The following MCTP1 variants were observed in gnomAD, a reference collection of about 807,000 sequenced individuals.
The protein encoded by MCTP1 is multiple C2 and transmembrane domain-containing protein 1.
Under a neutral mutation model 120.6 loss-of-function variants are expected in MCTP1, and 69 were observed. That is an observed-to-expected ratio of 0.57 (90% CI 0.47 to 0.70). The LOEUF (loss-of-function observed/expected upper bound fraction) is 0.70, where lower values mean the gene tolerates loss of function less well. MCTP1 is among the 30% of genes least tolerant of loss of function. MCTP1 has a pLI of 0.00. For missense variants in MCTP1, 1,203 were observed against 1,248.8 expected (o/e 0.96, Z 0.55); for synonymous variants, 529 against 493.1 (o/e 1.07, Z -0.96).
chr5:94,736,463 A>G (rs1764273026), intron 19 of MCTP1, among the ~76,000 whole-genome samples: 1 of 152,186 alleles, frequency 6.6e-6, no homozygotes. Flanking sequence ...AGCCTGGGTG[A>G]CAGAGCAAGA....
chr5:95,264,638 G>C (rs1758736080), intron 1 of MCTP1, among the ~76,000 whole-genome samples: 1 of 152,160 alleles, frequency 6.6e-6, no homozygotes, highest in Admixed American at 6.5e-5. Flanking sequence ...TGTTTGGATT[G>C]AATGCCCCTC....
chr5:94,755,960 T>C (rs192116051), intron 19 of MCTP1, among the ~76,000 whole-genome samples: 1 of 152,334 alleles, frequency 6.6e-6, no homozygotes, highest in East Asian at 1.9e-4. Context: ...GTAATTTTTT[T>C]CCCTCTAAAA....
chr5:95,161,989 A>AG (rs1745793495), intron 1 of MCTP1, among the ~76,000 whole-genome samples: 1 of 152,204 alleles, frequency 6.6e-6, no homozygotes, highest in Admixed American at 6.6e-5. Context: ...CTGTCAAAGT[A>AG]TCCAGTGGGC....
intron 19 of MCTP1, among the ~76,000 whole-genome samples, chr5:94,727,301 T>C (rs574263863): frequency 6.6e-6 from 1 of 152,192 alleles, no homozygotes; most frequent in African/African-American, 2.4e-5. Flanking sequence ...GTGAAAATAA[T>C]CTGGGATAGG....
chr5:94,944,042 T>A lies in MCTP1; in HGVS notation c.982-1615A>T, dbSNP rs535047127. On this transcript the variant is annotated intron_variant, in intron 3 of 22. Transcript: ENST00000515393. Reference sequence around the variant, plus strand: ...GCATTCCTGAATCAGTTGCTCTTTTTTTTTCTTTTTATTTTTTTCTCTATT... The same window carrying A: ...GCATTCCTGAATCAGTTGCTCTTTTATTTTCTTTTTATTTTTTTCTCTATT... 2.9e-3 allele frequency among the ~76,000 whole-genome samples: 444 copies of A among 152,206 alleles called. 2 individuals are homozygous for A. Among genetic ancestry groups the A allele is most frequent in the African/African-American group, 0.01 (429 of 41,544 alleles).
chr5:94,777,927 C>CGTGT (rs71615135), intron 19 of MCTP1, among the ~76,000 whole-genome samples: 40,311 of 148,778 alleles, frequency 0.27, 6,028 homozygotes, highest in Non-Finnish European at 0.35. Flanking sequence ...AGAAAGTGTG[C>CGTGT]GTGTGTGTGT....
chr5:95,223,607 T>C (rs1753930159), intron 1 of MCTP1, among the ~76,000 whole-genome samples: 1 of 152,228 alleles, frequency 6.6e-6, no homozygotes, highest in African/African-American at 2.4e-5. Context: ...GTGTTAATCA[T>C]TATTATTTAA....
intron 18 of MCTP1, among the ~76,000 whole-genome samples, chr5:94,797,105 T>C (rs1780267152): frequency 6.6e-6 from 1 of 152,182 alleles, no homozygotes. Context: ...AATTTTTCAA[T>C]AGGCTATAAA....
chr5:95,227,401 C>T (rs1226368193), intron 1 of MCTP1, among the ~76,000 whole-genome samples: 3 of 152,034 alleles, frequency 2.0e-5, no homozygotes, highest in Non-Finnish European at 4.4e-5. Flanking sequence ...TTTTTCTAGC[C>T]CTAATAGAAT....
At chr5:95,271,814 A>G (rs1759428116) in intron 1 of MCTP1, among the ~76,000 whole-genome samples, 1 of 151,342 alleles carries the variant, frequency 6.6e-6, no homozygotes, top group Non-Finnish European at 1.5e-5. Flanking sequence ...AGATAGATAG[A>G]TATAAAATAT....
At chr5:94,980,307 T>C (rs896833595) in intron 2 of MCTP1, among the ~76,000 whole-genome samples, 18 of 152,128 alleles carry the variant, frequency 1.2e-4, no homozygotes, top group African/African-American at 3.9e-4. Context: ...AAGTGATGAA[T>C]GAATAATCTT....
chr5:95,150,502 GTT>G (rs1432269625), intron 1 of MCTP1, among the ~76,000 whole-genome samples: 1 of 152,072 alleles, frequency 6.6e-6, no homozygotes, highest in Non-Finnish European at 1.5e-5. Flanking sequence ...TAGCTGGGAG[GTT>G]TTCTCATTAG....
intron 1 of MCTP1, among the ~76,000 whole-genome samples, chr5:95,102,938 T>C (rs1311232608): frequency 6.6e-6 from 1 of 152,210 alleles, no homozygotes; most frequent in African/African-American, 2.4e-5. Context: ...TCACCAGCTA[T>C]GCAAAGCTCA....
chr5:95,173,317 A>G (rs1747571579), intron 1 of MCTP1, among the ~76,000 whole-genome samples: 1 of 152,202 alleles, frequency 6.6e-6, no homozygotes, highest in African/African-American at 2.4e-5. Flanking sequence ...ACTAAATTAT[A>G]TTGGGAATGC....
chr5:95,010,290 A>G (rs903820737), intron 2 of MCTP1, among the ~76,000 whole-genome samples: 1 of 151,888 alleles, frequency 6.6e-6, no homozygotes, highest in African/African-American at 2.4e-5. Context: ...TGAACCATCT[A>G]CTATATATTA....
chr5:94,719,246 T>G (rs535704100), intron 19 of MCTP1, among the ~76,000 whole-genome samples: 360 of 152,330 alleles, frequency 2.4e-3, no homozygotes, highest in African/African-American at 8.5e-3. Flanking sequence ...TGGAAGACAG[T>G]GTGGTGATTC....
intron 17 of MCTP1, among the ~76,000 whole-genome samples, chr5:94,865,625 A>G (rs1355125850): frequency 6.6e-6 from 1 of 151,948 alleles, no homozygotes; most frequent in Non-Finnish European, 1.5e-5. Flanking sequence ...TAGTTATACA[A>G]TGAAATCTTT....
chr5:95,249,220 C>G (rs1757131741), intron 1 of MCTP1, among the ~76,000 whole-genome samples: 1 of 152,070 alleles, frequency 6.6e-6, no homozygotes, highest in Non-Finnish European at 1.5e-5. Flanking sequence ...TCAGAGTGAA[C>G]AGGCAACCTA....
chr5:95,035,415 C>T (rs1345328838), intron 1 of MCTP1, among the ~76,000 whole-genome samples: 8 of 152,016 alleles, frequency 5.3e-5, no homozygotes, highest in African/African-American at 1.7e-4. Flanking sequence ...ATGTTCTTTG[C>T]AGCAACACGG....
Sources: gnomAD v4.1 joint callset for allele counts (sites outside exome capture counted in the v4.1 genomes callset) on GRCh38, gnomAD v4.1.1 for gene constraint, MANE v1.5 for transcripts, NCBI Gene and HGNC (gene_info 2026-07-23, HGNC 2026-07-21) for gene names.